The following SLC13A5 variants were observed in gnomAD, a reference collection of about 807,000 sequenced individuals.
SLC13A5 encodes Na(+)/citrate cotransporter.
In SLC13A5, 25 loss-of-function variants were observed where a neutral mutation model predicts 56.5. The observed-to-expected ratio is 0.44, with a 90% CI of 0.32 to 0.62. The LOEUF (loss-of-function observed/expected upper bound fraction) is 0.62, where lower values mean the gene tolerates loss of function less well. Ranked by LOEUF, SLC13A5 falls within the 20% of genes least tolerant of loss-of-function variation. The probability of loss-of-function intolerance (pLI) is 0.04; values close to 1 mark genes in which losing one functional copy is unlikely to be tolerated. For synonymous variants in SLC13A5, 307 were observed against 301.5 expected, an observed-to-expected ratio of 1.02 and a Z score of -0.19; for missense variants, 649 against 737.8, an observed-to-expected ratio of 0.88 and a Z score of 1.39.
At chr17:6,705,726 C>T (rs1255997082) in intron 3 of SLC13A5, among the ~76,000 whole-genome samples, 2 of 152,138 alleles carry the variant, frequency 1.3e-5, no homozygotes, top group East Asian at 1.9e-4. Flanking sequence ...GACACAGGGG[C>T]GCCTCAGGAG....
At chr17:6,694,257 C>CA in intron 7 of SLC13A5, 60 bp from the exon 8 acceptor site, 2 of 982,290 alleles carry the variant, frequency 2.0e-6, no homozygotes, top group Non-Finnish European at 3.2e-6. Flanking sequence ...AAACCCATCA[C>CA]AACTCCGGCA....
At position 6,703,887 on chromosome 17, in the gene SLC13A5, C is replaced by T; in HGVS notation, c.538G>A (p.Glu180Lys). ...LELVDKGKAKELPGSQVIFEG... is the reference protein window; with the variant it reads ...LELVDKGKAKKLPGSQVIFEG... ...CTGGCCAGGGGCTCACCTGGCAGCT[C>T]CTTGGCCTTGCCCTTGTCCACCAGC... The change falls in exon 4 of 12, where the codon GAG becomes AAG. Residue 180 changes from glutamate to lysine, a missense_variant. Physicochemically the swap from Glu to Lys is moderately conservative, Grantham distance 56. Transcript: ENST00000433363. 1 of 1,552,384 alleles carries T rather than the reference C, an allele frequency of 6.4e-7. No homozygotes were observed. The highest frequency in any genetic ancestry group is 1.2e-5 in the South Asian group (1 of 82,668).
chr17:6,705,384 G>T (rs1377393890), intron 3 of SLC13A5: 1 of 152,110 alleles, frequency 6.6e-6, no homozygotes, highest in African/African-American at 2.4e-5. Context: ...TGTGAACTTG[G>T]GTTTGGAAGT....
intron 3 of SLC13A5, 131 bp from the exon 4 acceptor site, chr17:6,704,187 T>C (rs1210784116): frequency 1.4e-5 from 14 of 976,574 alleles, no homozygotes; most frequent in Non-Finnish European, 2.0e-5. Flanking sequence ...AGATCAGATA[T>C]TGGAATAGGG....
At chr17:6,708,928 C>T (rs1285276482) in intron 1 of SLC13A5, among the ~76,000 whole-genome samples, 1 of 152,070 alleles carries the variant, frequency 6.6e-6, no homozygotes, top group African/African-American at 2.4e-5. Flanking sequence ...AATGTGCACG[C>T]TCCACACAGA....
intron 10 of SLC13A5, chr17:6,689,236 C>T (rs914457256): frequency 1.8e-4 from 27 of 152,376 alleles, no homozygotes; most frequent in African/African-American, 6.2e-4. Flanking sequence ...CTGGGAACCA[C>T]TGAGGGGTCC....
rs1217040830 is a variant in SLC13A5 at position 6,701,344 on chromosome 17, G to T, written c.717-218C>A. On this transcript the variant is annotated intron_variant, in intron 5 of 11. Transcript: ENST00000433363. This position sits in a 1 kb window ranked among gnomAD's most constrained non-coding sequence, Gnocchi z 4.1. The stretch of plus-strand genomic sequence containing the variant: ...ACAGCACAAGACAAGGCCGAGAAAT[G>T]ACCCACTGACTCTTCTGTGTGTCCA... Among the ~76,000 whole-genome samples the T allele has an allele frequency of 2.0e-5, 3 of 152,236 alleles. No homozygotes were observed. Among genetic ancestry groups the T allele is most frequent in the Admixed American group, 6.5e-5 (1 of 15,294 alleles).
rs1184117187 is a variant in SLC13A5 at position 6,692,282 on chromosome 17, TGGAC to T, written c.1275+758_1275+761del. ...ATGGATGGATGGATGGATGGACGGATGGACGGACGGATGGATGGATGAAGACATG... is the reference window on the plus strand; with the variant it reads ...ATGGATGGATGGATGGATGGACGGATGGACGGATGGATGGATGAAGACATG... On this transcript the variant is annotated intron_variant, in intron 9 of 11. Transcript: ENST00000433363. The surrounding 1 kb of genome is among the most constrained non-coding windows in gnomAD (Gnocchi z 5.5). Among the ~76,000 whole-genome samples the T allele has an allele frequency of 1.8e-4, 26 of 147,758 alleles. No homozygotes were observed. The highest frequency in any genetic ancestry group is 6.4e-4 in the African/African-American group (25 of 39,348).
chr17:6,707,818 A>G (rs62061542), intron 1 of SLC13A5, among the ~76,000 whole-genome samples: 21,071 of 151,858 alleles, frequency 0.14, 1,541 homozygotes, highest in African/African-American at 0.16. Flanking sequence ...AGGGTGGGAT[A>G]GGAGGGAGGG....
chr17:6,692,990 C>T lies in SLC13A5; in HGVS notation c.1275+54G>A, dbSNP rs1034305832. On this transcript the variant is annotated intron_variant, in intron 9 of 11. Transcript: ENST00000433363. This position sits in a 1 kb window ranked among gnomAD's most constrained non-coding sequence, Gnocchi z 5.5. Reference sequence around the variant, plus strand: ...CCAGGGATGGAAGGGTGGAGAAACGCCACCCTCTTGACGAAGAAGAGGGCT... The same window carrying T: ...CCAGGGATGGAAGGGTGGAGAAACGTCACCCTCTTGACGAAGAAGAGGGCT... The T allele has an allele frequency of 2.2e-6, 3 of 1,392,140 alleles. No homozygotes were observed. The African/African-American group carries it at 4.3e-5, about 20-fold the overall frequency. The allele number at this position is 1,392,140 out of a possible 1,614,324, so 86.2% of individuals were successfully genotyped here. A position where few individuals can be genotyped will look rare whatever the true frequency, so the allele number is the denominator to read the frequency against.
At chr17:6,699,400 G>A (rs1973650254) in intron 6 of SLC13A5, among the ~76,000 whole-genome samples, 1 of 152,148 alleles carries the variant, frequency 6.6e-6, no homozygotes, top group Middle Eastern at 3.2e-3. Flanking sequence ...GGACAGAGTG[G>A]GGTTTGGGCA....
At chr17:6,708,835 A>C (rs1973940562) in intron 1 of SLC13A5, among the ~76,000 whole-genome samples, 1 of 151,870 alleles carries the variant, frequency 6.6e-6, no homozygotes, top group Admixed American at 6.6e-5. Flanking sequence ...CCATACAGAC[A>C]CTCCAATTCA....
At chr17:6,707,553 G>A (rs1424421519) in intron 1 of SLC13A5, among the ~76,000 whole-genome samples, 2 of 152,254 alleles carry the variant, frequency 1.3e-5, no homozygotes, top group East Asian at 3.9e-4. Context: ...GAAGGGGGAT[G>A]GAGAAGGAAG....
chr17:6,707,472 A>G (rs1973902049), intron 1 of SLC13A5, among the ~76,000 whole-genome samples: 1 of 152,150 alleles, frequency 6.6e-6, no homozygotes, highest in Non-Finnish European at 1.5e-5. Context: ...AAGATCAAGA[A>G]TAGGACAAGG....
Position 6,701,041 on chromosome 17 carries a change from C to T in SLC13A5, c.802G>A (p.Ala268Thr), listed in dbSNP as rs777184227. 1.2e-5 allele frequency: 20 copies of T among 1,614,068 alleles called. No individual in the cohort carries two copies. The highest frequency in any genetic ancestry group is 9.3e-5 in the African/African-American group (7 of 74,924). The part of the protein sequence containing the change: ...FPNMLVMLLF[A>T]WLWLQFVYMR... ...TAAACAAACTGGAGCCACAGCCAGG[C>T]GAACAGCAGCATCACCAGCATGTTG... The change falls in exon 6 of 12, where the codon GCC becomes ACC. Residue 268 changes from alanine (A) to threonine (T), a missense_variant. By Grantham distance (58) the Ala-to-Thr change is moderately conservative. Coordinates refer to ENST00000433363, the MANE Select transcript of SLC13A5 (RefSeq NM_177550.5). The surrounding 1 kb of genome is among the most constrained non-coding windows in gnomAD (Gnocchi z 4.1).
chr17:6,693,960 T>G, intron 8 of SLC13A5, 137 bp downstream of exon 8: 1 of 449,082 alleles, frequency 2.2e-6, no homozygotes, highest in Non-Finnish European at 3.9e-6. Flanking sequence ...TGAAAGCCAC[T>G]GTTTCCCAGG....
At chr17:6,689,203 G>A (rs1401703336) in intron 10 of SLC13A5, 1 of 152,216 alleles carries the variant, frequency 6.6e-6, no homozygotes, top group Non-Finnish European at 1.5e-5. Flanking sequence ...CCCTCTGAAA[G>A]GACTGCGCAA....
At position 6,687,544 on chromosome 17, in the gene SLC13A5, G is replaced by T. The variant is rs771239934; in HGVS notation, c.1560C>A (p.Leu520=). Residue 520 remains leucine (L), a synonymous_variant, in exon 11 of 12, where the codon CTC becomes CTA. Transcript: ENST00000433363. This position sits in a 1 kb window ranked among gnomAD's most constrained non-coding sequence, Gnocchi z 5.0. ...PNAIVFTYGH[L]KVADMVKTGV... ...GCTGTGTTACCATGTCAGCAACCTT[G>T]AGGTGCCCATAGGTGAACACGATGG... is the stretch of plus-strand genomic sequence containing the variant. 16 of 1,613,494 alleles carry T rather than the reference G, an allele frequency of 9.9e-6. No homozygotes were observed. The East Asian group carries it at 3.3e-4, about 34-fold the overall frequency.
At position 6,707,052 on chromosome 17, in the gene SLC13A5, G is replaced by A. The variant is rs560691044; in HGVS notation, c.207C>T (p.Leu69=). 24 of 1,614,062 alleles carry A rather than the reference G, an allele frequency of 1.5e-5. No individual in the cohort carries two copies. In the South Asian group the frequency reaches 2.6e-4, roughly 18 times the overall value. ...TSLMPVLLFP[L]FQILDSRQVC... is the part of the protein sequence containing the mutation. ...CCTGCCTGGAGTCCAGAATCTGGAA[G>A]AGTGGGAAAAGCAAGACAGGCATGA... Residue 69 remains leucine (L), a synonymous_variant, in exon 2 of 12, where the codon CTC becomes CTT. Coordinates refer to ENST00000433363, the MANE Select transcript of SLC13A5 (RefSeq NM_177550.5).
Sources: gnomAD v4.1 joint callset for allele counts (sites outside exome capture counted in the v4.1 genomes callset) on GRCh38, gnomAD v4.1.1 for gene constraint, Gnocchi (gnomAD v3.1) non-coding constraint, MANE v1.5 for transcripts, NCBI Gene and HGNC (gene_info 2026-07-23, HGNC 2026-07-21) for gene names.